Variants in PCMT1 observed in about 807,000 individuals in gnomAD.
The protein encoded by PCMT1 is protein-L-isoaspartate(D-aspartate) O-methyltransferase.
A neutral mutation model predicts 29.2 loss-of-function variants in PCMT1; 9 were observed. The ratio of observed to expected loss-of-function variants is 0.31; its 90% CI spans 0.19 to 0.54. The LOEUF (loss-of-function observed/expected upper bound fraction) is 0.54, where lower values mean the gene tolerates loss of function less well. Among genes scored for constraint, PCMT1 ranks in the 20% least tolerant of loss-of-function variants. PCMT1 has a pLI of 0.95. For missense variants in PCMT1, 184 were observed against 282.2 expected (o/e 0.65, Z 2.49); for synonymous variants, 98 against 97.5 (o/e 1.00, Z -0.03).
intron 7 of PCMT1, among the ~76,000 whole-genome samples, chr6:149,805,665 CAG>C (rs1163396895): frequency 6.6e-6 from 1 of 151,708 alleles, no homozygotes; most frequent in Admixed American, 6.6e-5. Flanking sequence ...AGGCTGGGCA[CAG>C]TGGCTCACGC....
intron 1 of PCMT1, among the ~76,000 whole-genome samples, chr6:149,758,204 C>CTTTTTTTTTTTT (rs1583003709): frequency 4.4e-5 from 3 of 68,194 alleles, no homozygotes; most frequent in Non-Finnish European, 2.7e-5. Context: ...TTCTTTCTTT[C>CTTTTTTTTTTTT]TTTCTTTTTT....
chr6:149,784,261 G>A (rs1787932298), intron 3 of PCMT1, among the ~76,000 whole-genome samples: 1 of 152,092 alleles, frequency 6.6e-6, no homozygotes, highest in Non-Finnish European at 1.5e-5. Flanking sequence ...TATAAGTTGG[G>A]GGAAAAGATA....
chr6:149,789,914 G>T, intron 3 of PCMT1, 40 bp from the exon 4 acceptor site: 2 of 1,344,632 alleles, frequency 1.5e-6, no homozygotes, highest in Non-Finnish European at 2.1e-6. Flanking sequence ...CATGATGTGT[G>T]TACTTTAGTC....
chr6:149,763,154 A>ATG lies in PCMT1; in HGVS notation c.56-8007_56-8006insGT, dbSNP rs1423717423. On this transcript the variant is annotated intron_variant, in intron 1 of 7. Transcript: ENST00000464889. ...TATATATGATATATATATCTATGAT[A>ATG]TATATCTATGATATCTATGATATAT... 1.2e-3 allele frequency among the ~76,000 whole-genome samples: 71 copies of ATG among 58,710 alleles called. 21 individuals are homozygous for ATG. The highest frequency in any genetic ancestry group is 8.9e-3 in the Admixed American group (34 of 3,838). The allele number at this position is 58,710 out of a possible 152,430, so 38.5% of individuals were successfully genotyped here. A position where few individuals can be genotyped will look rare whatever the true frequency, so the allele number is the denominator to read the frequency against.
At chr6:149,761,704 C>T (rs913507353) in intron 1 of PCMT1, among the ~76,000 whole-genome samples, 3 of 152,214 alleles carry the variant, frequency 2.0e-5, no homozygotes, top group Non-Finnish European at 4.4e-5. Flanking sequence ...TAAACTGACA[C>T]TACCTCTTAA....
rs148824803 is a variant in PCMT1 at position 149,749,928 on chromosome 6, C to T, written c.27C>T (p.Ser9=). The change falls in exon 1 of 8, where the codon AGC becomes AGT. Residue 9 remains serine, a synonymous_variant. Transcript: ENST00000464889. MAWKSGGA[S]HSELIHNLRK... Reference sequence around the variant, plus strand: ...TGGCCTGGAAATCCGGCGGCGCCAGCCACTCGGAGCTAATCCACAATCTCC... The same window carrying T: ...TGGCCTGGAAATCCGGCGGCGCCAGTCACTCGGAGCTAATCCACAATCTCC... The T allele has an allele frequency of 1.1e-4, 172 of 1,610,774 alleles. No homozygotes were observed. The highest frequency in any genetic ancestry group is 3.3e-4 in the Middle Eastern group (2 of 6,050).
chr6:149,776,526 C>T (rs1439046516), intron 3 of PCMT1, among the ~76,000 whole-genome samples: 3 of 152,108 alleles, frequency 2.0e-5, no homozygotes, highest in Non-Finnish European at 4.4e-5. Context: ...ATCCACCCGC[C>T]TTGGCCTCCC....
At chr6:149,763,960 T>G (rs1473936248) in intron 1 of PCMT1, among the ~76,000 whole-genome samples, 1 of 152,222 alleles carries the variant, frequency 6.6e-6, no homozygotes, top group Non-Finnish European at 1.5e-5. Context: ...AATTGTCTAA[T>G]AATCAGAGTG....
At chr6:149,806,565 A>G (rs1293336580) in intron 7 of PCMT1, among the ~76,000 whole-genome samples, 2 of 151,964 alleles carry the variant, frequency 1.3e-5, no homozygotes, top group East Asian at 1.9e-4. Context: ...TGTTCTTTCA[A>G]ACTTTCCGTT....
intron 3 of PCMT1, among the ~76,000 whole-genome samples, chr6:149,776,524 G>T (rs1029539073): frequency 6.6e-6 from 1 of 151,928 alleles, no homozygotes; most frequent in South Asian, 2.1e-4. Flanking sequence ...TGATCCACCC[G>T]CCTTGGCCTC....
At chr6:149,771,544 T>A (rs899243651) in intron 2 of PCMT1, among the ~76,000 whole-genome samples, 1 of 151,968 alleles carries the variant, frequency 6.6e-6, no homozygotes, top group Non-Finnish European at 1.5e-5. Flanking sequence ...GGAGACGGAG[T>A]CTCATTCTAT....
chr6:149,770,588 C>T (rs185545649), intron 1 of PCMT1, among the ~76,000 whole-genome samples: 128 of 151,840 alleles, frequency 8.4e-4, no homozygotes, highest in African/African-American at 3.0e-3. Flanking sequence ...CACCTGTAGT[C>T]GCAGCTACTT....
chr6:149,811,197 G>C lies in PCMT1; in HGVS notation c.*619G>C, dbSNP rs925897247. On this transcript the variant is annotated 3_prime_UTR_variant, in exon 8 of 8. Coordinates refer to ENST00000464889, the MANE Select transcript of PCMT1 (RefSeq NM_001360452.2). ...AATATTAAACCATAAGATGGCAGGT[G>C]ATGTCCTGTAAACACTCAGCTGTTC... 2 of 152,716 alleles carry C rather than the reference G, an allele frequency of 1.3e-5. No individual in the cohort carries two copies. Among genetic ancestry groups the C allele is most frequent in the Non-Finnish European group, 2.9e-5 (2 of 68,166 alleles). The allele number at this position is 152,716 out of a possible 1,614,324, so 9.5% of individuals were successfully genotyped here. A position where few individuals can be genotyped will look rare whatever the true frequency, so the allele number is the denominator to read the frequency against.
chr6:149,801,223 C>T (rs146861341), intron 6 of PCMT1, among the ~76,000 whole-genome samples: 15 of 152,064 alleles, frequency 9.9e-5, no homozygotes. Flanking sequence ...ACATAAAACT[C>T]ATTTATGTTA....
chr6:149,782,451 G>C (rs1248555722), intron 3 of PCMT1, among the ~76,000 whole-genome samples: 3 of 152,166 alleles, frequency 2.0e-5, no homozygotes, highest in Non-Finnish European at 2.9e-5. Flanking sequence ...GTGGTGAAGA[G>C]ATTAAAGGCA....
chr6:149,804,151 TGTA>T (rs1775939761), intron 7 of PCMT1, among the ~76,000 whole-genome samples: 1 of 151,424 alleles, frequency 6.6e-6, no homozygotes, highest in Non-Finnish European at 1.5e-5. Flanking sequence ...TGGAATCAGA[TGTA>T]GTTATTAACA....
rs80212677 is a variant in PCMT1, at chr6:149,788,246, C to T, written c.193-1708C>T. Among the ~76,000 whole-genome samples the T allele has an allele frequency of 3.5e-3, 527 of 152,276 alleles. 3 individuals are homozygous for T. Among genetic ancestry groups the T allele is most frequent in the African/African-American group, 0.012 (500 of 41,564 alleles). On this transcript the variant is annotated intron_variant, in intron 3 of 7. Coordinates refer to ENST00000464889, the MANE Select transcript of PCMT1 (RefSeq NM_001360452.2). ...TTACCTTTAAAAATAAGGACATTCT[C>T]TTACATACCCATAGTACAATTTTTG...
chr6:149,786,426 C>T (rs887892509), intron 3 of PCMT1, among the ~76,000 whole-genome samples: 2 of 144,380 alleles, frequency 1.4e-5, no homozygotes, highest in Admixed American at 6.8e-5. Flanking sequence ...GACCCCCCAC[C>T]TCCCTCCCGG....
intron 4 of PCMT1, among the ~76,000 whole-genome samples, chr6:149,790,342 G>A (rs559012223): frequency 6.6e-6 from 1 of 152,230 alleles, no homozygotes; most frequent in East Asian, 1.9e-4. Flanking sequence ...TGTTGTTATT[G>A]ACGATAGGGT....
Sources: gnomAD v4.1 joint callset for allele counts (sites outside exome capture counted in the v4.1 genomes callset) on GRCh38, gnomAD v4.1.1 for gene constraint, MANE v1.5 for transcripts, NCBI Gene and HGNC (gene_info 2026-07-23, HGNC 2026-07-21) for gene names.